Variants in MS4A14 observed in about 807,000 individuals in gnomAD.
MS4A14 encodes the protein membrane spanning 4-domains A14.
MS4A14 carries 18 observed loss-of-function variants against 16.7 expected under a neutral mutation model. The observed-to-expected ratio is 1.08, with a 90% CI of 0.75 to 1.60. The LOEUF is 1.60. Ranked by LOEUF, MS4A14 falls within the 40% of genes most tolerant of loss-of-function variation. The probability of loss-of-function intolerance (pLI) is 0.00; values close to 1 mark genes in which losing one functional copy is unlikely to be tolerated. For missense variants in MS4A14, 812 were observed against 775.3 expected, an observed-to-expected ratio of 1.05 and a Z score of -0.56; for synonymous variants, 305 against 289.4, an observed-to-expected ratio of 1.05 and a Z score of -0.55.
chr11:60,411,498 C>T (rs917653924), intron 4 of MS4A14, among the ~76,000 whole-genome samples: 2 of 152,080 alleles, frequency 1.3e-5, no homozygotes, highest in Admixed American at 6.6e-5. Flanking sequence ...TAGATTTATT[C>T]TAAAGTATGT....
In MS4A14 at chr11:60,396,571, A is replaced by G. The variant is rs1190750087; in HGVS notation, c.-8A>G. On this transcript the variant is annotated 5_prime_UTR_variant, in exon 1 of 5. Transcript: ENST00000300187. ...CTCTTTCCCTTACTAGAGTTCTGCCATAGAATCATGGAGTCAACATCCCAG... is the reference window on the plus strand; with the variant it reads ...CTCTTTCCCTTACTAGAGTTCTGCCGTAGAATCATGGAGTCAACATCCCAG... The G allele has an allele frequency of 1.2e-6, 2 of 1,612,674 alleles. No individual in the cohort carries two copies. The highest frequency in any genetic ancestry group is 1.7e-6 in the Non-Finnish European group (2 of 1,179,456).
chr11:60,406,166 C>T (rs999788073), intron 4 of MS4A14, among the ~76,000 whole-genome samples: 2 of 152,172 alleles, frequency 1.3e-5, no homozygotes. Context: ...CTCACCCCAC[C>T]ATCTGAAACA....
chr11:60,413,696 G>A (rs1486288752), intron 4 of MS4A14, among the ~76,000 whole-genome samples: 3 of 152,020 alleles, frequency 2.0e-5, no homozygotes, highest in Non-Finnish European at 4.4e-5. Context: ...GCACAGTAAT[G>A]TGCAAAGTAC....
At chr11:60,411,321 A>G (rs2085866315) in intron 4 of MS4A14, among the ~76,000 whole-genome samples, 1 of 152,230 alleles carries the variant, frequency 6.6e-6, no homozygotes, top group Admixed American at 6.5e-5. Context: ...TGGAATTTTG[A>G]TAGAAATTGT....
intron 4 of MS4A14, among the ~76,000 whole-genome samples, chr11:60,406,731 A>C (rs1348743981): frequency 6.6e-6 from 1 of 152,144 alleles, no homozygotes; most frequent in East Asian, 1.9e-4. Context: ...AAATGTACCT[A>C]TGTTTAGCTA....
chr11:60,413,266 C>A (rs2085893423), intron 4 of MS4A14, among the ~76,000 whole-genome samples: 1 of 151,480 alleles, frequency 6.6e-6, no homozygotes, highest in African/African-American at 2.4e-5. Flanking sequence ...AGTAGATAAC[C>A]ATTTTAAGTA....
chr11:60,409,286 A>C (rs1409725187), intron 4 of MS4A14, among the ~76,000 whole-genome samples: 2 of 152,050 alleles, frequency 1.3e-5, no homozygotes, highest in Non-Finnish European at 2.9e-5. Flanking sequence ...CTAGAATTTT[A>C]TACCCATTGA....
Position 60,416,371 on chromosome 11 carries a change from C to A in MS4A14, c.1403C>A (p.Thr468Asn), listed in dbSNP as rs1160013010. 3 of 1,613,800 alleles carry A rather than the reference C, an allele frequency of 1.9e-6. No individual in the cohort carries two copies. Among genetic ancestry groups the A allele is most frequent in the Non-Finnish European group, 2.5e-6 (3 of 1,179,942 alleles). The change falls in exon 5 of 5, where the codon ACC (threonine) becomes AAC (asparagine). Residue 468 changes from threonine to asparagine, a missense_variant. Transcript: ENST00000300187. ...ATTAGATCAGAAGTTATGGAAGAGA[C>A]CAAAGAATGGAAATCTGAGGAGGAA... ...QDIRSEVMEE[T>N]KEWKSEEELH... is the part of the protein sequence containing the mutation.
At chr11:60,398,206 A>G (rs1681668160) in intron 2 of MS4A14, 1 of 375,272 alleles carries the variant, frequency 2.7e-6, no homozygotes, top group Non-Finnish European at 4.9e-6. Flanking sequence ...CCTTGTGTGT[A>G]TAGTAAGACA....
At chr11:60,404,658 C>T (rs774873308) in intron 4 of MS4A14, 12 of 451,348 alleles carry the variant, frequency 2.7e-5, no homozygotes, top group Middle Eastern at 6.5e-4. Flanking sequence ...GGCTTTGAAC[C>T]GTCACCAGGC....
chr11:60,404,552 A>G (rs754098883), intron 4 of MS4A14: 7 of 456,956 alleles, frequency 1.5e-5, no homozygotes, highest in African/African-American at 4.0e-5. Flanking sequence ...CCAGGACTTC[A>G]TCCTTCTCAC....
At chr11:60,405,890 G>A (rs777346623) in intron 4 of MS4A14, 1 of 1,531,602 alleles carries the variant, frequency 6.5e-7, no homozygotes, top group Middle Eastern at 1.7e-4. Context: ...TATTTGCAGG[G>A]AATTTTGTTA....
intron 3 of MS4A14, 50 bp downstream of exon 3, chr11:60,400,504 T>C: frequency 7.5e-7 from 1 of 1,334,744 alleles, no homozygotes. Context: ...TTGTTTTATA[T>C]CATCTTTATG....
intron 4 of MS4A14, among the ~76,000 whole-genome samples, chr11:60,412,569 T>A (rs2085883662): frequency 6.6e-6 from 1 of 151,978 alleles, no homozygotes; most frequent in East Asian, 1.9e-4. Context: ...CTCTATAAGG[T>A]CAGTAATAAT....
At chr11:60,405,279 A>G (rs1278437695) in intron 4 of MS4A14, among the ~76,000 whole-genome samples, 1 of 151,218 alleles carries the variant, frequency 6.6e-6, no homozygotes, top group Non-Finnish European at 1.5e-5. Context: ...GGGTTTCTCC[A>G]TGTTGGTCAG....
chr11:60,408,093 T>C (rs1176372660), intron 4 of MS4A14, among the ~76,000 whole-genome samples: 1 of 152,116 alleles, frequency 6.6e-6, no homozygotes, highest in Admixed American at 6.6e-5. Context: ...TTAATGCACA[T>C]CCCCCCTCAT....
At chr11:60,406,541 A>C (rs2085788659) in intron 4 of MS4A14, among the ~76,000 whole-genome samples, 1 of 152,210 alleles carries the variant, frequency 6.6e-6, no homozygotes, top group South Asian at 2.1e-4. Flanking sequence ...AAAGAGGCTA[A>C]ACTAACCTCT....
intron 4 of MS4A14, among the ~76,000 whole-genome samples, chr11:60,410,839 T>A (rs10792273): frequency 6.6e-6 from 1 of 151,954 alleles, no homozygotes; most frequent in Non-Finnish European, 1.5e-5. Flanking sequence ...GGGTTTTTTT[T>A]TTTGTTTGTT....
rs367878785 is a variant in MS4A14 at position 60,396,558 on chromosome 11, C to T, written c.-21C>T. On this transcript the variant is annotated 5_prime_UTR_variant, in exon 1 of 5. Coordinates refer to ENST00000300187, the MANE Select transcript of MS4A14 (RefSeq NM_032597.5). ...CAATGTTTGCTCACTCTTTCCCTTA[C>T]TAGAGTTCTGCCATAGAATCATGGA... 2.5e-6 allele frequency: 4 copies of T among 1,610,792 alleles called. No homozygotes were observed. The highest frequency in any genetic ancestry group is 3.4e-6 in the Non-Finnish European group (4 of 1,178,526).
Sources: allele counts gnomAD v4.1 joint callset (sites outside exome capture counted in the v4.1 genomes callset), GRCh38; gene constraint gnomAD v4.1.1; transcripts MANE v1.5; gene names NCBI Gene and HGNC (gene_info 2026-07-23, HGNC 2026-07-21).